Variants in NLGN4X observed in about 807,000 individuals in gnomAD.
NLGN4X encodes the protein neuroligin-4, X-linked.
A neutral mutation model predicts 40.3 loss-of-function variants in NLGN4X; 3 were observed. That is an observed-to-expected ratio of 0.07 (90% CI 0.03 to 0.19). NLGN4X has a LOEUF of 0.19. Among genes scored for constraint, NLGN4X ranks in the 10% least tolerant of loss-of-function variants. The probability of loss-of-function intolerance (pLI) is 1.00; values close to 1 mark genes in which losing one functional copy is unlikely to be tolerated. For synonymous variants in NLGN4X, 270 were observed against 306.8 expected (o/e 0.88, Z 1.25); for missense variants, 382 against 708.3 (o/e 0.54, Z 5.23).
intron 3 of NLGN4X, among the ~76,000 whole-genome samples, chrX:5,978,557 C>T (rs777978032): frequency 3.6e-5 from 4 of 111,140 alleles, no homozygotes; most frequent in Non-Finnish European, 3.8e-5. Context: ...AGACTTTGCA[C>T]AAAATCCTAT....
intron 3 of NLGN4X, among the ~76,000 whole-genome samples, chrX:5,932,689 CA>C (rs1323733460): frequency 4.6e-5 from 5 of 109,671 alleles, no homozygotes; most frequent in African/African-American, 1.3e-4. Context: ...ATTGGAAGAT[CA>C]GATGGAAGAA....
In NLGN4X at chrX:5,891,619, G is replaced by T; in HGVS notation, c.*1198C>A. Reference sequence around the variant, plus strand: ...CAAGCTTTCTTCTTTTTTTGGCAGGGCCCTGAAATGGGAAGCAACTCTTCC... The same window carrying T: ...CAAGCTTTCTTCTTTTTTTGGCAGGTCCCTGAAATGGGAAGCAACTCTTCC... On this transcript the variant is annotated 3_prime_UTR_variant, in exon 6 of 6. Transcript: ENST00000381095. The T allele has an allele frequency of 4.2e-6, 1 of 240,089 alleles. No individual in the cohort carries two copies. Among genetic ancestry groups the T allele is most frequent in the Non-Finnish European group, 7.6e-6 (1 of 131,845 alleles). 19.8% of individuals were successfully genotyped at this position (240,089 alleles called of 1,213,427 possible). A position where few individuals can be genotyped will look rare whatever the true frequency, so the allele number is the denominator to read the frequency against.
chrX:6,087,791 A>C (rs2038533538), intron 2 of NLGN4X, among the ~76,000 whole-genome samples: 1 of 112,356 alleles, frequency 8.9e-6, no homozygotes, highest in Non-Finnish European at 1.9e-5. Context: ...AAAGGATAAT[A>C]AAATAAAATA....
chrX:6,126,878 A>G (rs1470548393), intron 2 of NLGN4X, among the ~76,000 whole-genome samples: 2 of 112,528 alleles, frequency 1.8e-5, no homozygotes, highest in Admixed American at 1.9e-4. Flanking sequence ...TATTTGAGTC[A>G]TACTTTAATC....
At chrX:6,096,407 T>C (rs1347582878) in intron 2 of NLGN4X, among the ~76,000 whole-genome samples, 1 of 111,760 alleles carries the variant, frequency 8.9e-6, no homozygotes, top group African/African-American at 3.3e-5. Context: ...AAATGCACTC[T>C]ATAATGCCCC....
At chrX:6,100,601 G>A (rs2038885752) in intron 2 of NLGN4X, among the ~76,000 whole-genome samples, 1 of 111,723 alleles carries the variant, frequency 9.0e-6, no homozygotes, top group South Asian at 3.7e-4. Context: ...AGTTGGCAAA[G>A]GAATCTTCTG....
chrX:6,151,617 T>C lies in NLGN4X; in HGVS notation c.-151A>G. Reference sequence around the variant, plus strand: ...GACTGATCACAGACAGAGCCTGAGGTTAAGAACAAGCACAGCCGTTTTCTT... The same window carrying C: ...GACTGATCACAGACAGAGCCTGAGGCTAAGAACAAGCACAGCCGTTTTCTT... On this transcript the variant is annotated 5_prime_UTR_variant, in exon 2 of 6. An upstream open reading frame in the 5' UTR loses its in-frame stop. Coordinates refer to ENST00000381095, the MANE Select transcript of NLGN4X (RefSeq NM_181332.3). 2.0e-6 allele frequency: 1 copy of C among 508,627 alleles called. No individual in the cohort carries two copies. The allele number at this position is 508,627 out of a possible 1,213,427, so 41.9% of individuals were successfully genotyped here. A position where few individuals can be genotyped will look rare whatever the true frequency, so the allele number is the denominator to read the frequency against.
chrX:6,210,240 G>A (rs954936379), intron 1 of NLGN4X, among the ~76,000 whole-genome samples: 4 of 81,513 alleles, frequency 4.9e-5, no homozygotes, highest in African/African-American at 1.1e-4. Context: ...GTGTGCGCCC[G>A]TTTGTGTGTG....
chrX:6,108,942 T>C (rs1323351270), intron 2 of NLGN4X, among the ~76,000 whole-genome samples: 1 of 111,148 alleles, frequency 9.0e-6, no homozygotes, highest in Non-Finnish European at 1.9e-5. Context: ...TTTAATCTCA[T>C]TCTTATTTCA....
At chrX:6,128,884 T>G (rs981662030) in intron 2 of NLGN4X, among the ~76,000 whole-genome samples, 4 of 112,305 alleles carry the variant, frequency 3.6e-5, no homozygotes, top group Non-Finnish European at 7.5e-5. Context: ...TATATATGCA[T>G]TCTTCTGCAC....
At chrX:5,958,684 T>C (rs1214553867) in intron 3 of NLGN4X, among the ~76,000 whole-genome samples, 1 of 112,161 alleles carries the variant, frequency 8.9e-6, no homozygotes. Flanking sequence ...TTCCCTAAAA[T>C]ATCTCTGCAC....
intron 2 of NLGN4X, among the ~76,000 whole-genome samples, chrX:6,056,516 G>A (rs1224490195): frequency 9.0e-6 from 1 of 111,275 alleles, no homozygotes; most frequent in Non-Finnish European, 1.9e-5. Flanking sequence ...CATCGTGTAA[G>A]TGCCCTTTTG....
intron 3 of NLGN4X, among the ~76,000 whole-genome samples, chrX:5,925,899 T>TATATACATACAC (rs1555921220): frequency 6.4e-5 from 2 of 31,312 alleles, no homozygotes; most frequent in Admixed American, 3.4e-4. Flanking sequence ...TATATATATA[T>TATATACATACAC]ATATATATAT....
chrX:6,164,779 T>G (rs775424009), intron 1 of NLGN4X, among the ~76,000 whole-genome samples: 1 of 111,919 alleles, frequency 8.9e-6, no homozygotes, highest in South Asian at 3.8e-4. Context: ...AGTGCTCCAT[T>G]TTCTGTAGCA....
In NLGN4X at chrX:6,219,544, TTTTC is replaced by T. The variant is rs200235998; in HGVS notation, c.-306+8993_-306+8996del. Among the ~76,000 whole-genome samples, 578 of 94,662 alleles carry T rather than the reference TTTTC, an allele frequency of 6.1e-3. 2 individuals carry two copies. Among genetic ancestry groups the T allele is most frequent in the East Asian group, 0.017 (51 of 3,074 alleles). The allele number at this position is 94,662 out of a possible 115,157, so 82.2% of individuals were successfully genotyped here. ...GCTTCCTTTCTTCCTTCCTTTTCTCTTTTCTTTCTTTCTTTCTTTCTTTCTTTCT... is the reference window on the plus strand; with the variant it reads ...GCTTCCTTTCTTCCTTCCTTTTCTCTTTTCTTTCTTTCTTTCTTTCTTTCT... On this transcript the variant is annotated intron_variant, in intron 1 of 5. Transcript: ENST00000381095.
At chrX:6,227,417 C>T (rs1236725180) in intron 1 of NLGN4X, among the ~76,000 whole-genome samples, 1 of 108,863 alleles carries the variant, frequency 9.2e-6, no homozygotes, top group Non-Finnish European at 1.9e-5. Flanking sequence ...CAGACCAGGG[C>T]TCCGGTAGTC....
chrX:5,983,121 T>C (rs2035436790), intron 3 of NLGN4X, among the ~76,000 whole-genome samples: 1 of 112,502 alleles, frequency 8.9e-6, no homozygotes, highest in Admixed American at 9.4e-5. Context: ...AAGGCAAACA[T>C]GAAACAAAAC....
chrX:6,183,363 T>C (rs761024996), intron 1 of NLGN4X, among the ~76,000 whole-genome samples: 11 of 110,260 alleles, frequency 1.0e-4, no homozygotes, highest in East Asian at 2.9e-4. Flanking sequence ...CTGGCTAACA[T>C]GGTGAAACCC....
chrX:6,013,419 G>C (rs1480469446), intron 3 of NLGN4X, among the ~76,000 whole-genome samples: 1 of 106,185 alleles, frequency 9.4e-6, no homozygotes, highest in Non-Finnish European at 2.0e-5. Flanking sequence ...AAAAAAAAAT[G>C]AGTAAATAGA....
Sources: gnomAD v4.1 joint callset for allele counts (sites outside exome capture counted in the v4.1 genomes callset) on GRCh38, gnomAD v4.1.1 for gene constraint, MANE v1.5 for transcripts, NCBI Gene and HGNC (gene_info 2026-07-23, HGNC 2026-07-21) for gene names.